The following GPBP1 variants were observed in gnomAD, a reference collection of about 807,000 sequenced individuals.
GPBP1 encodes the protein GC-rich promoter binding protein 1, also known as vasculin.
In GPBP1, 13 loss-of-function variants were observed where a neutral mutation model predicts 56.5. The observed-to-expected ratio is 0.23, with a 90% CI of 0.15 to 0.37. The LOEUF is 0.37. Among genes scored for constraint, GPBP1 ranks in the 10% least tolerant of loss-of-function variants. GPBP1 has a pLI of 1.00. For missense variants in GPBP1, 477 were observed against 572.3 expected, an observed-to-expected ratio of 0.83 and a Z score of 1.70; for synonymous variants, 204 against 188.9, an observed-to-expected ratio of 1.08 and a Z score of -0.66.
intron 2 of GPBP1, among the ~76,000 whole-genome samples, chr5:57,189,497 A>C (rs1754428050): frequency 6.6e-6 from 1 of 152,042 alleles, no homozygotes; most frequent in African/African-American, 2.4e-5. Context: ...GCCTGTGGTG[A>C]TCCACCCACC....
chr5:57,232,470 T>C (rs1201380408), intron 5 of GPBP1, among the ~76,000 whole-genome samples: 1 of 152,260 alleles, frequency 6.6e-6, no homozygotes, highest in African/African-American at 2.4e-5. Context: ...GGCATGCTTA[T>C]ACCAATCCAA....
Position 57,262,893 on chromosome 5 carries a change from GA to G in GPBP1, c.*145del, listed in dbSNP as rs1169312617. Reference sequence around the variant, plus strand: ...ATTTTTTGGGGGACTTCAATATGAAGAAAACCAAGAATGTTTTGTTGGGCTG... The same window carrying G: ...ATTTTTTGGGGGACTTCAATATGAAGAAACCAAGAATGTTTTGTTGGGCTG... On this transcript the variant is annotated 3_prime_UTR_variant, in exon 12 of 12. Transcript: ENST00000506184. 2 of 645,956 alleles carry G rather than the reference GA, an allele frequency of 3.1e-6. No homozygotes were observed. Among genetic ancestry groups the G allele is most frequent in the Non-Finnish European group, 5.3e-6 (2 of 378,682 alleles). 40.0% of individuals were successfully genotyped at this position (645,956 alleles called of 1,614,324 possible).
At chr5:57,250,023 C>T (rs866847501) in intron 9 of GPBP1, among the ~76,000 whole-genome samples, 3 of 86,740 alleles carry the variant, frequency 3.5e-5, no homozygotes, top group Admixed American at 2.8e-4. Context: ...ATCACCCAAG[C>T]GGAGTGTAAG....
At chr5:57,258,380 ATATGG>A (rs34123627) in intron 10 of GPBP1, among the ~76,000 whole-genome samples, 16,391 of 152,140 alleles carry the variant, frequency 0.11, 933 homozygotes, top group African/African-American at 0.13. Context: ...TACCTAGGCT[ATATGG>A]TATAGACTGT....
chr5:57,207,823 A>C (rs779222907), intron 2 of GPBP1, among the ~76,000 whole-genome samples: 8 of 152,246 alleles, frequency 5.3e-5, no homozygotes, highest in Admixed American at 2.6e-4. Flanking sequence ...GCCAAACTTC[A>C]TGCCCTTCTT....
At chr5:57,200,504 A>AT (rs1754967857) in intron 2 of GPBP1, among the ~76,000 whole-genome samples, 1 of 150,264 alleles carries the variant, frequency 6.7e-6, no homozygotes, top group Admixed American at 6.7e-5. Flanking sequence ...AGTAGCTGGG[A>AT]TTACAGGCAT....
At chr5:57,229,374 A>G (rs4444929) in intron 3 of GPBP1, among the ~76,000 whole-genome samples, 117,920 of 151,820 alleles carry the variant, frequency 0.78, 46,739 homozygotes, top group East Asian at 1. Flanking sequence ...GAACCTGGCT[A>G]TGTTTTCATG....
chr5:57,260,334 T>C (rs979989275), intron 10 of GPBP1, among the ~76,000 whole-genome samples: 1 of 152,152 alleles, frequency 6.6e-6, no homozygotes, highest in Non-Finnish European at 1.5e-5. Flanking sequence ...TTAAAATGAG[T>C]TATCTATTTG....
At chr5:57,229,938 A>G (rs62355733) in intron 3 of GPBP1, among the ~76,000 whole-genome samples, 2 of 83,630 alleles carry the variant, frequency 2.4e-5, no homozygotes, top group Non-Finnish European at 4.6e-5. Flanking sequence ...GTTGCATCGC[A>G]TCGCGTCCCG....
intron 10 of GPBP1, among the ~76,000 whole-genome samples, chr5:57,252,978 G>A (rs2111952326): frequency 6.6e-6 from 1 of 152,286 alleles, no homozygotes; most frequent in East Asian, 1.9e-4. Flanking sequence ...CAAAGTGCTA[G>A]GATTACAGGT....
intron 2 of GPBP1, among the ~76,000 whole-genome samples, chr5:57,208,488 C>T (rs1755332638): frequency 6.6e-6 from 1 of 152,138 alleles, no homozygotes; most frequent in African/African-American, 2.4e-5. Flanking sequence ...TCACCTTGTC[C>T]TCCCACAGTG....
At chr5:57,220,760 C>G (rs1171791286) in intron 3 of GPBP1, among the ~76,000 whole-genome samples, 2 of 152,080 alleles carry the variant, frequency 1.3e-5, no homozygotes, top group African/African-American at 4.8e-5. Context: ...GCACCCCGCC[C>G]AATTTGAACT....
intron 10 of GPBP1, among the ~76,000 whole-genome samples, chr5:57,255,039 CAT>C (rs1485631259): frequency 6.6e-6 from 1 of 152,104 alleles, no homozygotes; most frequent in Non-Finnish European, 1.5e-5. Flanking sequence ...AAAAGATTAA[CAT>C]AAACAGATAT....
At chr5:57,248,313 A>T (rs1466092751) in intron 8 of GPBP1, among the ~76,000 whole-genome samples, 1 of 152,068 alleles carries the variant, frequency 6.6e-6, no homozygotes, top group Non-Finnish European at 1.5e-5. Context: ...TGAAACTCCC[A>T]GAACAGGGAG....
chr5:57,228,093 A>G (rs977280281), intron 3 of GPBP1, among the ~76,000 whole-genome samples: 1 of 152,230 alleles, frequency 6.6e-6, no homozygotes, highest in East Asian at 1.9e-4. Context: ...AAATAGTAAC[A>G]AGTACCCTGT....
intron 5 of GPBP1, among the ~76,000 whole-genome samples, chr5:57,231,672 G>T (rs1404698619): frequency 6.6e-6 from 1 of 152,148 alleles, no homozygotes; most frequent in Non-Finnish European, 1.5e-5. Flanking sequence ...TAGTTCTTGC[G>T]ATTCATTCTT....
At chr5:57,211,851 C>T (rs770438109) in intron 2 of GPBP1, among the ~76,000 whole-genome samples, 10 of 151,510 alleles carry the variant, frequency 6.6e-5, no homozygotes, top group Non-Finnish European at 1.5e-4. Flanking sequence ...GGATTACAGG[C>T]GTGAGCCGTC....
chr5:57,230,796 A>G, intron 3 of GPBP1, 50 bp from the exon 4 acceptor site: 1 of 1,499,450 alleles, frequency 6.7e-7, no homozygotes, highest in African/African-American at 1.4e-5. Flanking sequence ...CTAGTTTTTA[A>G]AGTTATATTT....
intron 5 of GPBP1, among the ~76,000 whole-genome samples, chr5:57,233,711 A>G (rs950016256): frequency 1.3e-5 from 2 of 152,210 alleles, no homozygotes; most frequent in African/African-American, 4.8e-5. Flanking sequence ...GAAGAGGAAG[A>G]GAAGGGGTTG....
Sources: gnomAD v4.1 joint callset for allele counts (sites outside exome capture counted in the v4.1 genomes callset) on GRCh38, gnomAD v4.1.1 for gene constraint, MANE v1.5 for transcripts, NCBI Gene and HGNC (gene_info 2026-07-23, HGNC 2026-07-21) for gene names.